MOSPD2: variants seen among roughly 807,000 people sequenced by gnomAD.
MOSPD2 encodes motile sperm domain-containing protein 2.
A neutral mutation model predicts 41.7 loss-of-function variants in MOSPD2; 5 were observed. The observed-to-expected ratio is 0.12, with a 90% CI of 0.06 to 0.25. MOSPD2 has a LOEUF of 0.25. Among genes scored for constraint, MOSPD2 ranks in the 10% least tolerant of loss-of-function variants. The pLI, the probability that MOSPD2 is intolerant of heterozygous loss-of-function variation, is 1.00. For missense variants in MOSPD2, 282 were observed against 375.2 expected (o/e 0.75, Z 2.05); for synonymous variants, 115 against 126.9 (o/e 0.91, Z 0.63).
At chrX:14,903,301 G>GGGCCA (rs1234728543) in intron 7 of MOSPD2, among the ~76,000 whole-genome samples, 2 of 108,009 alleles carry the variant, frequency 1.9e-5, no homozygotes, top group East Asian at 5.8e-4. Flanking sequence ...TTGAACCCAT[G>GGGCCA]AGTTTGAGGC....
At chrX:14,915,638 T>C in intron 11 of MOSPD2, 30 bp from the exon 12 acceptor site, 1 of 1,109,833 alleles carries the variant, frequency 9.0e-7, no homozygotes, top group Non-Finnish European at 1.2e-6. Context: ...AGCATAAAGG[T>C]TGTTATGTGA....
chrX:14,876,048 A>G (rs1387112635), intron 2 of MOSPD2, among the ~76,000 whole-genome samples: 3 of 112,118 alleles, frequency 2.7e-5, no homozygotes, highest in Non-Finnish European at 5.6e-5. Context: ...ATATATACAT[A>G]AGAAGATTGG....
chrX:14,881,288 G>A (rs1253415368), intron 2 of MOSPD2, among the ~76,000 whole-genome samples: 2 of 108,803 alleles, frequency 1.8e-5, no homozygotes, highest in Non-Finnish European at 3.8e-5. Flanking sequence ...CATTTTGTTA[G>A]GCTGAAGGAG....
chrX:14,879,895 A>T (rs1237183511), intron 2 of MOSPD2, among the ~76,000 whole-genome samples: 2 of 110,812 alleles, frequency 1.8e-5, no homozygotes, highest in Non-Finnish European at 3.8e-5. Context: ...AATGCCTTTG[A>T]ATACCAGTGA....
chrX:14,900,680 G>A, intron 6 of MOSPD2, 45 bp downstream of exon 6: 1 of 676,878 alleles, frequency 1.5e-6, no homozygotes, highest in East Asian at 3.6e-5. Flanking sequence ...TATTGAAACT[G>A]TAGACAATGT....
In MOSPD2 at chrX:14,921,534, T is replaced by C; in HGVS notation, c.*1725T>C. 2.0e-6 allele frequency: 1 copy of C among 499,574 alleles called. No homozygotes were observed. The highest frequency in any genetic ancestry group is 1.2e-4 in the South Asian group (1 of 8,165). 41.2% of individuals were successfully genotyped at this position (499,574 alleles called of 1,213,427 possible). On this transcript the variant is annotated 3_prime_UTR_variant, in exon 15 of 15. Coordinates refer to ENST00000380492, the MANE Select transcript of MOSPD2 (RefSeq NM_152581.4). Reference sequence around the variant, plus strand: ...AGTAGTTGTGTATGTTTTCTGTTCCTTGGCAAATAAATGAAGAAATAATTA... The same window carrying C: ...AGTAGTTGTGTATGTTTTCTGTTCCCTGGCAAATAAATGAAGAAATAATTA...
At chrX:14,902,407 C>T in intron 6 of MOSPD2, among the ~76,000 whole-genome samples, 1 of 111,475 alleles carries the variant, frequency 9.0e-6, no homozygotes, top group East Asian at 2.8e-4. Flanking sequence ...CTTATGCATA[C>T]TTTGGAATTA....
At position 14,895,669 on chromosome X, in the gene MOSPD2, T is replaced by C. The variant is rs752559404; in HGVS notation, c.322+275T>C. The stretch of plus-strand genomic sequence containing the variant: ...TTTAATTCAGAGTCATTATCTTCTT[T>C]CTAATCTGACTGTGATATTAAAACT... On this transcript the variant is annotated intron_variant, in intron 4 of 14. Transcript: ENST00000380492. Among the ~76,000 whole-genome samples the C allele has an allele frequency of 3.7e-4, 41 of 112,307 alleles. No homozygotes were observed. In the Admixed American group the frequency reaches 3.8e-3, roughly 10 times the overall value.
chrX:14,892,078 G>A (rs1434993545), intron 2 of MOSPD2, among the ~76,000 whole-genome samples: 2 of 111,775 alleles, frequency 1.8e-5, no homozygotes, highest in Non-Finnish European at 3.8e-5. Flanking sequence ...CATCTGTAGT[G>A]GCTTACTTAA....
chrX:14,894,378 G>A (rs1377136926), intron 3 of MOSPD2, among the ~76,000 whole-genome samples: 10 of 102,728 alleles, frequency 9.7e-5, no homozygotes, highest in Admixed American at 4.2e-4. Context: ...AGTGCATGGC[G>A]TGATCTCGGC....
Position 14,915,596 on chromosome X carries a change from AAAG to A in MOSPD2, c.1090-71_1090-69del, listed in dbSNP as rs1334215712. On this transcript the variant is annotated intron_variant, in intron 11 of 14. Coordinates refer to ENST00000380492, the MANE Select transcript of MOSPD2 (RefSeq NM_152581.4). ...AATAAAAATAAAAATAAATTTTTTT[AAAG>A]TCATTCTTAAGCCATTTCCCCCCAA... is the stretch of plus-strand genomic sequence containing the variant. The A allele has an allele frequency of 2.3e-5, 15 of 641,782 alleles. No individual in the cohort carries two copies. The East Asian group carries it at 5.5e-4, about 24-fold the overall frequency. 52.9% of individuals were successfully genotyped at this position (641,782 alleles called of 1,213,427 possible). A position where few individuals can be genotyped will look rare whatever the true frequency, so the allele number is the denominator to read the frequency against.
intron 13 of MOSPD2, 90 bp downstream of exon 13, chrX:14,916,416 T>C: frequency 3.4e-6 from 4 of 1,160,020 alleles, no homozygotes; most frequent in Non-Finnish European, 4.6e-6. Flanking sequence ...CTCCCTTTCT[T>C]CTTGCATCTG....
At chrX:14,882,560 A>G (rs907113480) in intron 2 of MOSPD2, among the ~76,000 whole-genome samples, 2 of 111,784 alleles carry the variant, frequency 1.8e-5, no homozygotes, top group Non-Finnish European at 3.8e-5. Flanking sequence ...TGATTTTGCT[A>G]TTCCACAGTA....
chrX:14,878,197 A>C (rs986697639), intron 2 of MOSPD2, among the ~76,000 whole-genome samples: 19 of 111,304 alleles, frequency 1.7e-4, no homozygotes, highest in Non-Finnish European at 3.2e-4. Context: ...TTTTTTGTGC[A>C]GTAGTTGAGA....
At chrX:14,906,552 A>G (rs1180726921) in intron 7 of MOSPD2, among the ~76,000 whole-genome samples, 2 of 64,210 alleles carry the variant, frequency 3.1e-5, no homozygotes, top group South Asian at 5.3e-4. Context: ...CAACAAAAGC[A>G]CAAGCAACAA....
chrX:14,894,731 ACATGAGTCAC>A (rs2092560059), intron 3 of MOSPD2, among the ~76,000 whole-genome samples: 1 of 111,062 alleles, frequency 9.0e-6, no homozygotes, highest in South Asian at 3.8e-4. Flanking sequence ...TGCTGGGATT[ACATGAGTCAC>A]CATGCCTGGC....
rs752988015 is a variant in MOSPD2, at chrX:14,897,450, G to A, written c.477+212G>A. Among the ~76,000 whole-genome samples the A allele has an allele frequency of 4.4e-4, 49 of 111,813 alleles. No homozygotes were observed. The East Asian group carries it at 0.011, about 24-fold the overall frequency. On this transcript the variant is annotated intron_variant, in intron 5 of 14. Transcript: ENST00000380492. Reference sequence around the variant, plus strand: ...TTCTGTATTTGGCGTTGAAACTGTCGATTTCCTAGAAATGTTCCTTGTCTG... The same window carrying A: ...TTCTGTATTTGGCGTTGAAACTGTCAATTTCCTAGAAATGTTCCTTGTCTG...
At position 14,922,234 on chromosome X, in the gene MOSPD2, G is replaced by A. The variant is rs764876332; in HGVS notation, c.*2425G>A. 9.0e-6 allele frequency: 1 copy of A among 110,744 alleles called. No individual in the cohort carries two copies. The highest frequency in any genetic ancestry group is 3.8e-4 in the South Asian group (1 of 2,659). The allele number at this position is 110,744 out of a possible 1,213,427, so 9.1% of individuals were successfully genotyped here. A position where few individuals can be genotyped will look rare whatever the true frequency, so the allele number is the denominator to read the frequency against. The stretch of plus-strand genomic sequence containing the variant: ...TTATTACTATATTGGTATTTTCTTT[G>A]TATAAATTGATTGATTAAAAGAACA... On this transcript the variant is annotated 3_prime_UTR_variant, in exon 15 of 15. Transcript: ENST00000380492.
intron 7 of MOSPD2, among the ~76,000 whole-genome samples, chrX:14,904,741 G>A (rs1000884179): frequency 1.8e-5 from 2 of 112,000 alleles, no homozygotes; most frequent in Admixed American, 9.5e-5. Context: ...TCAATGTGTG[G>A]CAATGTGCAT....
Sources: allele counts gnomAD v4.1 joint callset (sites outside exome capture counted in the v4.1 genomes callset), GRCh38; gene constraint gnomAD v4.1.1; transcripts MANE v1.5; gene names NCBI Gene and HGNC (gene_info 2026-07-23, HGNC 2026-07-21).